PTPDC1: variants seen among roughly 807,000 people sequenced by gnomAD.
The protein encoded by PTPDC1 is protein tyrosine phosphatase domain-containing protein 1.
Under a neutral mutation model 75.3 loss-of-function variants are expected in PTPDC1, and 53 were observed. The observed-to-expected ratio is 0.70, with a 90% CI of 0.56 to 0.88. PTPDC1 has a LOEUF of 0.88. PTPDC1 is among the 40% of genes least tolerant of loss of function. The probability of loss-of-function intolerance (pLI) is 0.00; values close to 1 mark genes in which losing one functional copy is unlikely to be tolerated. For synonymous variants in PTPDC1, 349 were observed against 366.2 expected (o/e 0.95, Z 0.54); for missense variants, 925 against 998.6 (o/e 0.93, Z 0.99).
intron 6 of PTPDC1, among the ~76,000 whole-genome samples, chr9:94,099,382 G>A (rs773954039): frequency 1.3e-5 from 2 of 152,086 alleles, no homozygotes; most frequent in African/African-American, 4.8e-5. Flanking sequence ...GTGAATCACC[G>A]AGATCTTGAC....
intron 2 of PTPDC1, chr9:94,064,914 T>G (rs1826255332): frequency 1.6e-5 from 14 of 877,996 alleles, no homozygotes; most frequent in Non-Finnish European, 2.5e-5. Flanking sequence ...AAAGGCTCTC[T>G]TCTTCATATT....
chr9:94,063,637 G>T (rs1210179077), intron 1 of PTPDC1, among the ~76,000 whole-genome samples: 1 of 152,044 alleles, frequency 6.6e-6, no homozygotes, highest in Non-Finnish European at 1.5e-5. Flanking sequence ...GTACTTTTTT[G>T]AGCGTATAAA....
intron 1 of PTPDC1, among the ~76,000 whole-genome samples, chr9:94,063,200 T>C (rs1045703660): frequency 6.6e-6 from 1 of 152,246 alleles, no homozygotes; most frequent in Admixed American, 6.5e-5. Flanking sequence ...TAACTTCTTA[T>C]ATACAAAATA....
intron 2 of PTPDC1, among the ~76,000 whole-genome samples, chr9:94,070,210 T>C (rs1357645829): frequency 1.3e-5 from 2 of 152,208 alleles, no homozygotes; most frequent in African/African-American, 4.8e-5. Context: ...TGGCTCTTAT[T>C]ATCCCCAGTA....
At chr9:94,038,924 A>G (rs540197537) in intron 1 of PTPDC1, among the ~76,000 whole-genome samples, 1 of 152,348 alleles carries the variant, frequency 6.6e-6, no homozygotes, top group African/African-American at 2.4e-5. Context: ...GTGTAATATC[A>G]AAGATCATTT....
rs367730717 is a variant in PTPDC1, at chr9:94,047,648, C to G, written c.-7+16521C>G. ...CCAGGAGCTGGTTTTTAGAAAAGAT[C>G]AACAAAATTGATAGACTGCTAACAA... is the stretch of plus-strand genomic sequence containing the variant. On this transcript the variant is annotated intron_variant, in intron 1 of 9. Coordinates refer to the PTPDC1 transcript ENST00000375360. Among the ~76,000 whole-genome samples, 10 of 152,014 alleles carry G rather than the reference C, an allele frequency of 6.6e-5. No homozygotes were observed. The East Asian group carries it at 1.2e-3, about 18-fold the overall frequency.
chr9:94,058,709 A>C (rs1175949282), intron 1 of PTPDC1, among the ~76,000 whole-genome samples: 4 of 151,220 alleles, frequency 2.6e-5, no homozygotes, highest in Non-Finnish European at 5.9e-5. Context: ...CTGTCTCAAA[A>C]AACAAACAAA....
chr9:94,101,513 C>A, intron 6 of PTPDC1, 53 bp from the exon 7 acceptor site: 1 of 1,421,110 alleles, frequency 7.0e-7, no homozygotes. Flanking sequence ...GCACCTCCCT[C>A]TCCTCTCCCT....
chr9:94,063,638 A>C (rs1347108101), intron 1 of PTPDC1, among the ~76,000 whole-genome samples: 1 of 152,136 alleles, frequency 6.6e-6, no homozygotes, highest in Non-Finnish European at 1.5e-5. Flanking sequence ...TACTTTTTTG[A>C]GCGTATAAAG....
intron 1 of PTPDC1, among the ~76,000 whole-genome samples, chr9:94,060,885 G>T (rs534503620): frequency 1.3e-5 from 2 of 152,232 alleles, no homozygotes; most frequent in Admixed American, 1.3e-4. Context: ...TGGGGATGCA[G>T]ATCCAAACCA....
chr9:94,074,654 G>C (rs1387981577), intron 2 of PTPDC1, among the ~76,000 whole-genome samples: 2 of 152,110 alleles, frequency 1.3e-5, no homozygotes, highest in African/African-American at 4.8e-5. Context: ...TGGGAAATGG[G>C]AATGTTGACT....
intron 1 of PTPDC1, among the ~76,000 whole-genome samples, chr9:94,032,526 A>G (rs1048445467): frequency 6.6e-6 from 1 of 152,126 alleles, no homozygotes; most frequent in Non-Finnish European, 1.5e-5. Flanking sequence ...GGAGGAAACC[A>G]AGGTTTAGGA....
At chr9:94,078,008 C>T (rs1405891064) in intron 2 of PTPDC1, among the ~76,000 whole-genome samples, 1 of 152,230 alleles carries the variant, frequency 6.6e-6, no homozygotes, top group Non-Finnish European at 1.5e-5. Flanking sequence ...ATTCCACTTT[C>T]ACCCTAGTCC....
intron 2 of PTPDC1, among the ~76,000 whole-genome samples, chr9:94,067,400 A>T (rs1436882930): frequency 6.6e-6 from 1 of 150,794 alleles, no homozygotes; most frequent in Non-Finnish European, 1.5e-5. Flanking sequence ...AAAAAAAAAA[A>T]ATAATAATAA....
chr9:94,032,926 A>G lies in PTPDC1; in HGVS notation c.-7+1799A>G, dbSNP rs531938148. Among the ~76,000 whole-genome samples, 13 of 152,186 alleles carry G rather than the reference A, an allele frequency of 8.5e-5. No homozygotes were observed. The South Asian group carries it at 2.5e-3, about 29-fold the overall frequency. ...GCCCAGGCTGGAGTGCAGTGGTGCA[A>G]TCTCAGCTCACTGCATCCTCAACCT... On this transcript the variant is annotated intron_variant, in intron 1 of 9. Coordinates refer to the PTPDC1 transcript ENST00000375360.
intron 8 of PTPDC1, 115 bp downstream of exon 8, chr9:94,104,500 C>T (rs1827950467): frequency 4.8e-6 from 3 of 621,312 alleles, no homozygotes; most frequent in Non-Finnish European, 8.4e-6. Context: ...TGTATGTTTT[C>T]CCTTCATGGA....
At chr9:94,033,745 G>T (rs1455190377) in intron 1 of PTPDC1, among the ~76,000 whole-genome samples, 1 of 152,106 alleles carries the variant, frequency 6.6e-6, no homozygotes, top group African/African-American at 2.4e-5. Flanking sequence ...TAATATTTAA[G>T]ATCATTTTGA....
Position 94,108,072 on chromosome 9 carries a change from CTGAGAATGGTCGTCCGTATT to C in PTPDC1, c.*132_*151del. The C allele has an allele frequency of 4.4e-6, 2 of 452,560 alleles. No homozygotes were observed. Among genetic ancestry groups the C allele is most frequent in the Non-Finnish European group, 7.8e-6 (2 of 255,598 alleles). 28.0% of individuals were successfully genotyped at this position (452,560 alleles called of 1,614,324 possible). A position where few individuals can be genotyped will look rare whatever the true frequency, so the allele number is the denominator to read the frequency against. ...TTATTTTGAATGTTGTTAGTTTGTG[CTGAGAATGGTCGTCCGTATT>C]TGAACCAATTATTTATTTTAAAATA... is the stretch of plus-strand genomic sequence containing the variant. On this transcript the variant is annotated 3_prime_UTR_variant, in exon 9 of 9. Coordinates refer to ENST00000620992, the MANE Select transcript of PTPDC1 (RefSeq NM_001253829.2).
intron 1 of PTPDC1, among the ~76,000 whole-genome samples, chr9:94,063,223 G>A (rs373742009): frequency 1.1e-4 from 16 of 152,304 alleles, no homozygotes; most frequent in South Asian, 8.3e-4. Context: ...CAGGGCTAGC[G>A]TCCCAGCTGC....
Sources: allele counts gnomAD v4.1 joint callset (sites outside exome capture counted in the v4.1 genomes callset), GRCh38; gene constraint gnomAD v4.1.1; transcripts MANE v1.5; gene names NCBI Gene and HGNC (gene_info 2026-07-23, HGNC 2026-07-21).